ZNF260: variants seen among roughly 807,000 people sequenced by gnomAD.
ZNF260 encodes zinc finger protein 260, also known as zfp-260.
ZNF260 carries 21 observed loss-of-function variants against 29.3 expected under a neutral mutation model. The ratio of observed to expected loss-of-function variants is 0.72; its 90% CI spans 0.51 to 1.03. The LOEUF is 1.03. Among genes scored for constraint, ZNF260 ranks in the 50% least tolerant of loss-of-function variants. The probability of loss-of-function intolerance (pLI) is 0.00; values close to 1 mark genes in which losing one functional copy is unlikely to be tolerated. For missense variants in ZNF260, 465 were observed against 487.8 expected (o/e 0.95, Z 0.44); for synonymous variants, 156 against 156.8 (o/e 0.99, Z 0.04).
intron 2 of ZNF260, among the ~76,000 whole-genome samples, chr19:36,516,168 G>A (rs536775750): frequency 4.6e-5 from 7 of 152,146 alleles, no homozygotes; most frequent in African/African-American, 9.6e-5. Context: ...CACTGCGCAC[G>A]GCTGTAAAAT....
At position 36,525,189 on chromosome 19, in the gene ZNF260, T is replaced by C. The variant is rs1436256129; in HGVS notation, c.-496A>G. The C allele has an allele frequency of 6.6e-6, 1 of 152,248 alleles. No homozygotes were observed. Among genetic ancestry groups the C allele is most frequent in the Non-Finnish European group, 1.5e-5 (1 of 68,048 alleles). The allele number at this position is 152,248 out of a possible 1,614,324, so 9.4% of individuals were successfully genotyped here. A position where few individuals can be genotyped will look rare whatever the true frequency, so the allele number is the denominator to read the frequency against. On this transcript the variant is annotated 5_prime_UTR_variant, in exon 2 of 3. Transcript: ENST00000523638. ...GCTTACTCACACAAAGAGAACCTTC[T>C]TTACATTTCTTTCTCAATCATCTGT...
chr19:36,515,346 C>T lies in ZNF260; in HGVS notation c.-108G>A. On this transcript the variant is annotated 5_prime_UTR_variant, in exon 3 of 3. Transcript: ENST00000523638. ...ATATGGTGTATTTTCAATATTAATT[C>T]TCAGGTATCTAATGAAGTTAAATTT... The T allele has an allele frequency of 8.5e-7, 1 of 1,178,324 alleles. No individual in the cohort carries two copies. The highest frequency in any genetic ancestry group is 1.1e-6 in the Non-Finnish European group (1 of 870,604). The allele number at this position is 1,178,324 out of a possible 1,614,324, so 73.0% of individuals were successfully genotyped here.
At chr19:36,524,817 T>C (rs1254069667) in intron 2 of ZNF260, among the ~76,000 whole-genome samples, 1 of 151,934 alleles carries the variant, frequency 6.6e-6, no homozygotes, top group African/African-American at 2.4e-5. Context: ...AAATGGAGAA[T>C]GTTAGTGAAA....
chr19:36,519,117 TC>T, intron 2 of ZNF260, among the ~76,000 whole-genome samples: 1 of 152,136 alleles, frequency 6.6e-6, no homozygotes, highest in Non-Finnish European at 1.5e-5. Context: ...CAAAAAGGCA[TC>T]AGATTGCAAG....
chr19:36,520,135 G>A (rs1478740696), intron 2 of ZNF260, among the ~76,000 whole-genome samples: 1 of 147,596 alleles, frequency 6.8e-6, no homozygotes, highest in Non-Finnish European at 1.5e-5. Context: ...GGAGGAGGAA[G>A]TTGCAGTGAA....
intron 1 of ZNF260, among the ~76,000 whole-genome samples, chr19:36,526,145 A>G (rs1415742947): frequency 6.6e-6 from 1 of 152,254 alleles, no homozygotes; most frequent in Non-Finnish European, 1.5e-5. Flanking sequence ...GAAGTTAAAT[A>G]TAGTAAGTGT....
At position 36,514,241 on chromosome 19, in the gene ZNF260, T is replaced by G; in HGVS notation, c.998A>C (p.Glu333Ala). 1 of 1,614,058 alleles carries G rather than the reference T, an allele frequency of 6.2e-7. No individual in the cohort carries two copies. The highest frequency in any genetic ancestry group is 8.5e-7 in the Non-Finnish European group (1 of 1,179,998). The change falls in exon 3 of 3, where the codon GAG (glutamate) becomes GCG (alanine). Residue 333 changes from glutamate to alanine, a missense_variant. Glu to Ala is a moderately radical substitution (Grantham distance 107). Transcript: ENST00000523638. Reference protein sequence around the residue: ...VRIHTGDKPYECKVCGKAFCQ... With the variant: ...VRIHTGDKPYACKVCGKAFCQ... Reference sequence around the variant, plus strand: ...GAAGGCTTTCCCACAGACCTTACACTCATAAGGCTTATCACCTGTATGAAT... The same window carrying G: ...GAAGGCTTTCCCACAGACCTTACACGCATAAGGCTTATCACCTGTATGAAT...
chr19:36,519,091 A>G (rs2034599030), intron 2 of ZNF260, among the ~76,000 whole-genome samples: 1 of 152,176 alleles, frequency 6.6e-6, no homozygotes, highest in Non-Finnish European at 1.5e-5. Flanking sequence ...AAATAAAAGA[A>G]AAAGACATAC....
rs2034472246 is a variant in ZNF260, at chr19:36,512,752, AGAGAGT to A, written c.*1242_*1247del. On this transcript the variant is annotated 3_prime_UTR_variant, in exon 3 of 3. Transcript: ENST00000523638. The stretch of plus-strand genomic sequence containing the variant: ...AGACTTAATTTGTCACTTAACTGCT[AGAGAGT>A]ACTCTACTATGTTACTATCACATTT... 1 of 152,204 alleles carries A rather than the reference AGAGAGT, an allele frequency of 6.6e-6. No individual in the cohort carries two copies. The highest frequency in any genetic ancestry group is 1.5e-5 in the Non-Finnish European group (1 of 68,018). The allele number at this position is 152,204 out of a possible 1,614,324, so 9.4% of individuals were successfully genotyped here.
intron 2 of ZNF260, among the ~76,000 whole-genome samples, chr19:36,521,288 C>G (rs931957713): frequency 2.6e-5 from 4 of 152,070 alleles, no homozygotes; most frequent in Non-Finnish European, 5.9e-5. Flanking sequence ...TCCAAACAAT[C>G]CAAAAGAAAA....
At position 36,511,060 on chromosome 19, in the gene ZNF260, A is replaced by G; in HGVS notation, c.*2940T>C. The G allele has an allele frequency of 6.6e-6, 1 of 152,238 alleles. No homozygotes were observed. Among genetic ancestry groups the G allele is most frequent in the East Asian group, 1.9e-4 (1 of 5,198 alleles). The allele number at this position is 152,238 out of a possible 1,614,324, so 9.4% of individuals were successfully genotyped here. On this transcript the variant is annotated 3_prime_UTR_variant, in exon 3 of 3. Coordinates refer to ENST00000523638, the MANE Select transcript of ZNF260 (RefSeq NM_001166037.2). ...ACACATACATATATTTTATTTGGGT[A>G]TATTACCTCAGAAAATCAACAACTG...
chr19:36,526,936 T>C (rs931850443), intron 1 of ZNF260, among the ~76,000 whole-genome samples: 2 of 152,208 alleles, frequency 1.3e-5, no homozygotes, highest in Non-Finnish European at 2.9e-5. Context: ...TTCTCTAAGA[T>C]GTAAGTGCCT....
In ZNF260 at chr19:36,514,225, C is replaced by A; in HGVS notation, c.1014G>T (p.Gly338=). 5 of 1,614,082 alleles carry A rather than the reference C, an allele frequency of 3.1e-6. No individual in the cohort carries two copies. Among genetic ancestry groups the A allele is most frequent in the Non-Finnish European group, 4.2e-6 (5 of 1,179,980 alleles). Residue 338 remains glycine, a synonymous_variant, in exon 3 of 3, where the codon GGG becomes GGT. Transcript: ENST00000523638. ...GAGATGAGCTTTGACAGAAGGCTTT[C>A]CCACAGACCTTACACTCATAAGGCT... is the stretch of plus-strand genomic sequence containing the variant. The part of the protein sequence containing the change: ...GDKPYECKVC[G]KAFCQSSSLT...
At chr19:36,521,288 C>T (rs931957713) in intron 2 of ZNF260, among the ~76,000 whole-genome samples, 1 of 152,070 alleles carries the variant, frequency 6.6e-6, no homozygotes, top group African/African-American at 2.4e-5. Flanking sequence ...TCCAAACAAT[C>T]CAAAAGAAAA....
In ZNF260 at chr19:36,515,005, T is replaced by C; in HGVS notation, c.234A>G (p.Thr78=). 6.2e-7 allele frequency: 1 copy of C among 1,614,170 alleles called. No individual in the cohort carries two copies. Among genetic ancestry groups the C allele is most frequent in the East Asian group, 2.2e-5 (1 of 44,870 alleles). Residue 78 remains threonine, a synonymous_variant, in exon 3 of 3, where the codon ACA becomes ACG. Coordinates refer to ENST00000523638, the MANE Select transcript of ZNF260 (RefSeq NM_001166037.2). ...SSLTLHLRSH[T]GKKAYKCNKC... is the part of the protein sequence containing the mutation. ...TATTACATTTATATGCCTTCTTTCC[T>C]GTGTGACTTCTAAGGTGTAGAGTAA...
At chr19:36,526,679 T>C (rs1422790706) in intron 1 of ZNF260, among the ~76,000 whole-genome samples, 1 of 152,218 alleles carries the variant, frequency 6.6e-6, no homozygotes, top group African/African-American at 2.4e-5. Context: ...TTATACTGTA[T>C]TGTTTAGGGA....
chr19:36,513,631 T>C lies in ZNF260; in HGVS notation c.*369A>G, dbSNP rs1477523925. The C allele has an allele frequency of 4.8e-6, 2 of 415,238 alleles. No individual in the cohort carries two copies. The highest frequency in any genetic ancestry group is 8.5e-6 in the Non-Finnish European group (2 of 234,208). 25.7% of individuals were successfully genotyped at this position (415,238 alleles called of 1,614,324 possible). A position where few individuals can be genotyped will look rare whatever the true frequency, so the allele number is the denominator to read the frequency against. ...TGATTCTAGTTTTACAATTCATATA[T>C]GTAGCAAAACATCACAAAAATGATA... On this transcript the variant is annotated 3_prime_UTR_variant, in exon 3 of 3. Transcript: ENST00000523638.
Position 36,514,253 on chromosome 19 carries a change from T to C in ZNF260, c.986A>G (p.Asp329Gly). ...LIVHVRIHTG[D>G]KPYECKVCGK... ...ACAGACCTTACACTCATAAGGCTTA[T>C]CACCTGTATGAATTCTCACATGTAC... Residue 329 changes from aspartate to glycine, a missense_variant, in exon 3 of 3, where the codon GAT (aspartate) becomes GGT (glycine). Asp to Gly is a moderately conservative substitution (Grantham distance 94). Transcript: ENST00000523638. 6.2e-7 allele frequency: 1 copy of C among 1,614,140 alleles called. No homozygotes were observed. The highest frequency in any genetic ancestry group is 8.5e-7 in the Non-Finnish European group (1 of 1,180,008).
chr19:36,521,826 G>T (rs1169099440), intron 2 of ZNF260, among the ~76,000 whole-genome samples: 2 of 151,476 alleles, frequency 1.3e-5, no homozygotes, highest in South Asian at 2.1e-4. Context: ...GAGGCAGGCA[G>T]ATCACAAGGT....
Sources: allele counts gnomAD v4.1 joint callset (sites outside exome capture counted in the v4.1 genomes callset), GRCh38; gene constraint gnomAD v4.1.1; transcripts MANE v1.5; gene names NCBI Gene and HGNC (gene_info 2026-07-23, HGNC 2026-07-21).